ANKS1B: variants seen among roughly 807,000 people sequenced by gnomAD.
ANKS1B encodes ankyrin repeat and sterile alpha motif domain containing 1B.
A neutral mutation model predicts 148.3 loss-of-function variants in ANKS1B; 36 were observed. The ratio of observed to expected loss-of-function variants is 0.24; its 90% CI spans 0.19 to 0.32. ANKS1B has a LOEUF of 0.32. Among genes scored for constraint, ANKS1B ranks in the 10% least tolerant of loss-of-function variants. ANKS1B has a pLI of 1.00. For synonymous variants in ANKS1B, 542 were observed against 560.8 expected (o/e 0.97, Z 0.47); for missense variants, 1,157 against 1,542.6 (o/e 0.75, Z 4.19).
intron 8 of ANKS1B, among the ~76,000 whole-genome samples, chr12:99,706,845 G>C (rs1174363670): frequency 6.6e-6 from 1 of 152,016 alleles, no homozygotes; most frequent in Non-Finnish European, 1.5e-5. Flanking sequence ...ATTCAGCAAG[G>C]AACTGGGGTC....
chr12:99,358,144 A>G (rs2092184934), intron 12 of ANKS1B, among the ~76,000 whole-genome samples: 1 of 151,746 alleles, frequency 6.6e-6, no homozygotes, highest in Non-Finnish European at 1.5e-5. Flanking sequence ...TTACTTCTTA[A>G]TTTTCATACA....
At chr12:99,190,720 A>G (rs1341352772) in intron 14 of ANKS1B, among the ~76,000 whole-genome samples, 1 of 152,258 alleles carries the variant, frequency 6.6e-6, no homozygotes, top group Non-Finnish European at 1.5e-5. Flanking sequence ...CTTAAATGTA[A>G]GACCTAAAAC....
intron 7 of ANKS1B, among the ~76,000 whole-genome samples, chr12:99,774,870 G>C (rs2063513578): frequency 6.6e-6 from 1 of 151,984 alleles, no homozygotes; most frequent in Admixed American, 6.6e-5. Context: ...TGAACCTAGA[G>C]GATATTATCC....
chr12:99,622,249 G>C (rs541206941), intron 9 of ANKS1B, among the ~76,000 whole-genome samples: 9 of 151,930 alleles, frequency 5.9e-5, no homozygotes, highest in Admixed American at 2.6e-4. Context: ...AGCACTGTTA[G>C]TAGGAAAGTT....
chr12:99,334,563 T>C (rs1329156505), intron 12 of ANKS1B, among the ~76,000 whole-genome samples: 2 of 152,100 alleles, frequency 1.3e-5, no homozygotes, highest in Non-Finnish European at 2.9e-5. Flanking sequence ...CAAGTTTGCA[T>C]GCCCAGTTCC....
chr12:99,452,158 G>A (rs192149810), intron 10 of ANKS1B, among the ~76,000 whole-genome samples: 7 of 152,150 alleles, frequency 4.6e-5, no homozygotes, highest in South Asian at 4.1e-4. Context: ...TTTGGGTAGC[G>A]AGAAGGCAGC....
intron 1 of ANKS1B, among the ~76,000 whole-genome samples, chr12:99,875,369 C>G (rs1042239370): frequency 3.3e-5 from 5 of 151,784 alleles, no homozygotes; most frequent in African/African-American, 1.2e-4. Context: ...AGATTTAACT[C>G]ATTAAAATGT....
At position 99,046,807 on chromosome 12, in the gene ANKS1B, T is replaced by TA. The variant is rs1265969829; in HGVS notation, c.2778+6349dup. On this transcript the variant is annotated intron_variant, in intron 17 of 26. Coordinates refer to ENST00000683438, the MANE Select transcript of ANKS1B (RefSeq NM_001352186.2). Reference sequence around the variant, plus strand: ...TGGGCAACAGAGCGAGACTCTGTCTTAAAAAAAAAGAAAAAAAAAAGAAAA... The same window carrying TA: ...TGGGCAACAGAGCGAGACTCTGTCTTAAAAAAAAAAGAAAAAAAAAAGAAAA... Among the ~76,000 whole-genome samples, 62 of 80,564 alleles carry TA rather than the reference T, an allele frequency of 7.7e-4. 1 individual carries two copies. Among genetic ancestry groups the TA allele is most frequent in the East Asian group, 3.0e-3 (4 of 1,346 alleles). 52.9% of individuals were successfully genotyped at this position (80,564 alleles called of 152,430 possible). A position where few individuals can be genotyped will look rare whatever the true frequency, so the allele number is the denominator to read the frequency against.
At chr12:99,486,301 G>A (rs56337248) in intron 10 of ANKS1B, among the ~76,000 whole-genome samples, 21,948 of 151,742 alleles carry the variant, frequency 0.14, 1,720 homozygotes, top group Non-Finnish European at 0.17. Flanking sequence ...TGAAGACTCT[G>A]TAAGATTTCC....
intron 14 of ANKS1B, among the ~76,000 whole-genome samples, chr12:99,181,163 T>C (rs1434191005): frequency 6.6e-6 from 1 of 152,190 alleles, no homozygotes; most frequent in Non-Finnish European, 1.5e-5. Flanking sequence ...ATAAATTCGT[T>C]ATGCTTTTCT....
At chr12:99,116,784 T>C (rs184325989) in intron 15 of ANKS1B, among the ~76,000 whole-genome samples, 32 of 152,282 alleles carry the variant, frequency 2.1e-4, no homozygotes, top group African/African-American at 7.0e-4. Context: ...CATAAATTAC[T>C]TTGAGCCATA....
intron 17 of ANKS1B, among the ~76,000 whole-genome samples, chr12:98,903,499 G>A (rs1020314562): frequency 2.0e-5 from 3 of 152,196 alleles, no homozygotes; most frequent in African/African-American, 7.2e-5. Context: ...AGGGTGCCAG[G>A]TGTAATGCCT....
At chr12:99,144,561 T>A (rs1688643) in intron 15 of ANKS1B, among the ~76,000 whole-genome samples, 88,505 of 151,806 alleles carry the variant, frequency 0.58, 26,017 homozygotes, top group Non-Finnish European at 0.63. Flanking sequence ...AAACAAAGGC[T>A]ACACATATAC....
At chr12:98,952,593 T>C (rs1019597839) in intron 17 of ANKS1B, among the ~76,000 whole-genome samples, 2 of 152,182 alleles carry the variant, frequency 1.3e-5, no homozygotes, top group Non-Finnish European at 2.9e-5. Context: ...CGGCGATCAA[T>C]ACCTGCCTCG....
At chr12:99,833,933 G>T (rs1279464516) in intron 1 of ANKS1B, among the ~76,000 whole-genome samples, 1 of 151,858 alleles carries the variant, frequency 6.6e-6, no homozygotes, top group Non-Finnish European at 1.5e-5. Flanking sequence ...TTTAAACAAG[G>T]AGGTTTAGAA....
At chr12:98,748,693 C>T (rs375794873) in intron 26 of ANKS1B, among the ~76,000 whole-genome samples, 4 of 152,126 alleles carry the variant, frequency 2.6e-5, no homozygotes, top group South Asian at 2.1e-4. Context: ...TAATGCCTGT[C>T]GAGGGGGACT....
intron 15 of ANKS1B, among the ~76,000 whole-genome samples, chr12:99,115,364 A>G (rs1367194961): frequency 6.6e-6 from 1 of 152,228 alleles, no homozygotes; most frequent in Admixed American, 6.5e-5. Flanking sequence ...AAACTAATGC[A>G]GGAACAGAAA....
intron 17 of ANKS1B, among the ~76,000 whole-genome samples, chr12:98,999,603 G>T (rs1386301361): frequency 1.3e-5 from 2 of 152,172 alleles, no homozygotes; most frequent in East Asian, 3.8e-4. Context: ...TTATATCTAT[G>T]ATTTATTAGG....
intron 17 of ANKS1B, among the ~76,000 whole-genome samples, chr12:98,997,528 A>G (rs2099930429): frequency 6.6e-6 from 1 of 151,820 alleles, no homozygotes; most frequent in Non-Finnish European, 1.5e-5. Flanking sequence ...CAGCTTCCCA[A>G]GTAGCTGGGA....
Sources: gnomAD v4.1 joint callset for allele counts (sites outside exome capture counted in the v4.1 genomes callset) on GRCh38, gnomAD v4.1.1 for gene constraint, MANE v1.5 for transcripts, NCBI Gene and HGNC (gene_info 2026-07-23, HGNC 2026-07-21) for gene names.